Variants in DNAH7 observed in about 807,000 individuals in gnomAD.
The protein encoded by DNAH7 is dynein axonemal heavy chain 7.
In DNAH7, 397 loss-of-function variants were observed where a neutral mutation model predicts 444.6. The observed-to-expected ratio is 0.89, with a 90% CI of 0.82 to 0.97. The LOEUF (loss-of-function observed/expected upper bound fraction) is 0.97, where lower values mean the gene tolerates loss of function less well. DNAH7 is among the 50% of genes least tolerant of loss of function. The probability of loss-of-function intolerance (pLI) is 0.00; values close to 1 mark genes in which losing one functional copy is unlikely to be tolerated. For synonymous variants in DNAH7, 1,636 were observed against 1,624.4 expected (o/e 1.01, Z -0.17); for missense variants, 4,902 against 4,800.8 (o/e 1.02, Z -0.62).
At chr2:195,894,104 T>A (rs1702167018) in intron 30 of DNAH7, 1 of 152,134 alleles carries the variant, frequency 6.6e-6, no homozygotes, top group African/African-American at 2.4e-5. Flanking sequence ...ATAAGTAGCG[T>A]ATCAGTTTGT....
chr2:195,916,127 C>T (rs565256951), intron 24 of DNAH7, among the ~76,000 whole-genome samples: 1 of 151,768 alleles, frequency 6.6e-6, no homozygotes, highest in East Asian at 1.9e-4. Context: ...AATCTAGACA[C>T]AAAATTAATT....
At chr2:195,971,475 C>T (rs1574917341) in intron 16 of DNAH7, among the ~76,000 whole-genome samples, 1 of 151,960 alleles carries the variant, frequency 6.6e-6, no homozygotes, top group Non-Finnish European at 1.5e-5. Flanking sequence ...GATAATTGTC[C>T]GATAGAGATG....
chr2:195,759,123 G>C (rs908118862), intron 61 of DNAH7, among the ~76,000 whole-genome samples: 1 of 152,170 alleles, frequency 6.6e-6, no homozygotes. Flanking sequence ...TGCAGCTCCA[G>C]GAGAGACTAC....
At chr2:195,753,221 C>CT (rs558724097) in intron 63 of DNAH7, among the ~76,000 whole-genome samples, 310 of 146,210 alleles carry the variant, frequency 2.1e-3, no homozygotes, top group African/African-American at 6.5e-3. Context: ...CTTCAGATGG[C>CT]TTTTTTTTTT....
Position 195,900,369 on chromosome 2 carries a change from C to T in DNAH7, c.4461G>A (p.Leu1487=), listed in dbSNP as rs770927524. The change falls in exon 28 of 65, where the codon TTG becomes TTA. Residue 1487 remains leucine, a synonymous_variant. Coordinates refer to ENST00000312428, the MANE Select transcript of DNAH7 (RefSeq NM_018897.3). ...LSVKIVATYR[L]CSEQLSSQHH... is the part of the protein sequence containing the mutation. ...GTTGAGATGACAGCTGCTCTGAACA[C>T]AAGCGATACGTAGCCACAATTTTTA... is the stretch of plus-strand genomic sequence containing the variant. 6.8e-6 allele frequency: 11 copies of T among 1,614,026 alleles called. No homozygotes were observed. In the South Asian group the frequency reaches 1.2e-4, roughly 18 times the overall value.
At chr2:196,019,429 TTATGTTTTAAAATATATAAAGATCA>T (rs1420256946) in intron 8 of DNAH7, 134 bp from the exon 9 acceptor site, 25 of 623,516 alleles carry the variant, frequency 4.0e-5, no homozygotes, top group Non-Finnish European at 5.2e-5. Context: ...AAACAAGCAA[TTATGTTTTAAAATATATAAAGATCA>T]TATGTTTTAT....
intron 21 of DNAH7, among the ~76,000 whole-genome samples, chr2:195,933,065 G>A (rs1262183005): frequency 6.6e-6 from 1 of 152,018 alleles, no homozygotes; most frequent in Non-Finnish European, 1.5e-5. Context: ...TTTTTTGGTT[G>A]GTAAGCTATT....
chr2:196,032,095 C>T (rs1696094737), intron 5 of DNAH7, among the ~76,000 whole-genome samples: 2 of 152,174 alleles, frequency 1.3e-5, no homozygotes, highest in African/African-American at 2.4e-5. Context: ...GTCTCACAAT[C>T]ATGGCAGAAG....
chr2:196,000,651 G>A, intron 12 of DNAH7, 53 bp downstream of exon 12: 1 of 1,352,696 alleles, frequency 7.4e-7, no homozygotes, highest in East Asian at 2.6e-5. Context: ...GAAGTTACTT[G>A]AAGTGAATGT....
intron 5 of DNAH7, among the ~76,000 whole-genome samples, chr2:196,032,222 C>T (rs56048208): frequency 0.038 from 5,714 of 152,214 alleles, 244 homozygotes; most frequent in African/African-American, 0.099. Flanking sequence ...GAGAACAGTA[C>T]GGGAGAAACC....
At chr2:195,909,654 G>T (rs1483097297) in intron 25 of DNAH7, among the ~76,000 whole-genome samples, 1 of 152,070 alleles carries the variant, frequency 6.6e-6, no homozygotes, top group Non-Finnish European at 1.5e-5. Flanking sequence ...GTCTATAAAA[G>T]TAAATTACTA....
At chr2:195,928,316 A>C (rs1330740728) in intron 21 of DNAH7, among the ~76,000 whole-genome samples, 1 of 152,166 alleles carries the variant, frequency 6.6e-6, no homozygotes, top group Admixed American at 6.6e-5. Flanking sequence ...AATGCTTTGA[A>C]ATGGCAACCA....
intron 20 of DNAH7, among the ~76,000 whole-genome samples, chr2:195,936,387 AC>A (rs2125412820): frequency 6.6e-6 from 1 of 152,324 alleles, no homozygotes; most frequent in Non-Finnish European, 1.5e-5. Context: ...AAACAAAAAA[AC>A]AAACAAAAAA....
At chr2:195,826,880 A>C (rs976074054) in intron 48 of DNAH7, among the ~76,000 whole-genome samples, 1 of 152,160 alleles carries the variant, frequency 6.6e-6, no homozygotes, top group Non-Finnish European at 1.5e-5. Flanking sequence ...ATTTTTGGCA[A>C]ATGGCTTTGA....
chr2:195,995,878 C>CT (rs1009480258), intron 12 of DNAH7, among the ~76,000 whole-genome samples: 1 of 152,130 alleles, frequency 6.6e-6, no homozygotes, highest in African/African-American at 2.4e-5. Flanking sequence ...TATTCAGGGT[C>CT]TTTTGTGATT....
chr2:196,028,783 T>G (rs1266869207), intron 5 of DNAH7, among the ~76,000 whole-genome samples: 1 of 152,130 alleles, frequency 6.6e-6, no homozygotes, highest in Non-Finnish European at 1.5e-5. Flanking sequence ...TACAGGTCAG[T>G]GATGTTGTAT....
At position 195,774,284 on chromosome 2, in the gene DNAH7, T is replaced by C. The variant is rs530152599; in HGVS notation, c.11202+1562A>G. Among the ~76,000 whole-genome samples, 7 of 152,360 alleles carry C rather than the reference T, an allele frequency of 4.6e-5. No homozygotes were observed. The South Asian group carries it at 6.2e-4, about 14-fold the overall frequency. On this transcript the variant is annotated intron_variant, in intron 60 of 64. Coordinates refer to ENST00000312428, the MANE Select transcript of DNAH7 (RefSeq NM_018897.3). Reference sequence around the variant, plus strand: ...TCTAATGCTCCTAAAGAGCTACTCATTCATGTTTGCACATATACTTTTATG... The same window carrying C: ...TCTAATGCTCCTAAAGAGCTACTCACTCATGTTTGCACATATACTTTTATG...
At chr2:195,919,598 T>A (rs236598) in intron 24 of DNAH7, among the ~76,000 whole-genome samples, 24 of 151,972 alleles carry the variant, frequency 1.6e-4, no homozygotes, top group African/African-American at 5.5e-4. Context: ...ATCCACCTCA[T>A]CCTCCCAAAG....
At chr2:196,027,894 G>C in intron 6 of DNAH7, 66 bp downstream of exon 6, 3 of 1,474,806 alleles carry the variant, frequency 2.0e-6, no homozygotes, top group Non-Finnish European at 2.8e-6. Context: ...GGTCTCCAAA[G>C]TATAAAATTA....
Sources: allele counts gnomAD v4.1 joint callset (sites outside exome capture counted in the v4.1 genomes callset), GRCh38; gene constraint gnomAD v4.1.1; transcripts MANE v1.5; gene names NCBI Gene and HGNC (gene_info 2026-07-23, HGNC 2026-07-21).